PRKD2: variants seen among roughly 807,000 people sequenced by gnomAD.
PRKD2 encodes serine/threonine-protein kinase D2.
In PRKD2, 22 loss-of-function variants were observed where a neutral mutation model predicts 86.0. The ratio of observed to expected loss-of-function variants is 0.26; its 90% CI spans 0.18 to 0.37. The LOEUF is 0.37. PRKD2 is among the 10% of genes least tolerant of loss of function. The probability of loss-of-function intolerance (pLI) is 1.00; values close to 1 mark genes in which losing one functional copy is unlikely to be tolerated. For missense variants in PRKD2, 818 were observed against 1,199.2 expected, an observed-to-expected ratio of 0.68 and a Z score of 4.70; for synonymous variants, 509 against 510.9, an observed-to-expected ratio of 1.00 and a Z score of 0.05.
chr19:46,708,983 T>G (rs1402047601), intron 3 of PRKD2, among the ~76,000 whole-genome samples: 2 of 39,888 alleles, frequency 5.0e-5, no homozygotes, highest in Non-Finnish European at 1.4e-4. Flanking sequence ...TTTTTTTTTT[T>G]TTTTTTTTTT....
chr19:46,700,916 G>T lies in PRKD2; in HGVS notation c.1004C>A (p.Ala335Asp). 1 of 1,614,244 alleles carries T rather than the reference G, an allele frequency of 6.2e-7. No individual in the cohort carries two copies. Among genetic ancestry groups the T allele is most frequent in the Non-Finnish European group, 8.5e-7 (1 of 1,180,030 alleles). The change falls in exon 7 of 18, where the codon GCT becomes GAT. Residue 335 changes from alanine to aspartate, a missense_variant. By Grantham distance (126) the Ala-to-Asp change is moderately radical. Around this residue, in one of 5 missense-constraint regions of PRKD2, gnomAD observed 403 missense variants for 518.6 expected, o/e 0.78. Transcript: ENST00000291281. ...PMEEATDFSE[A>D]DKSALMDESE... Reference sequence around the variant, plus strand: ...CTCATCCATGAGGGCGCTCTTGTCAGCCTCGCTGAAATCGGTGGCCTCCTC... The same window carrying T: ...CTCATCCATGAGGGCGCTCTTGTCATCCTCGCTGAAATCGGTGGCCTCCTC...
chr19:46,702,998 A>G (rs1201721813), intron 5 of PRKD2, among the ~76,000 whole-genome samples: 1 of 152,104 alleles, frequency 6.6e-6, no homozygotes, highest in Non-Finnish European at 1.5e-5. Context: ...TGGATTCTAG[A>G]ATTTGATTGT....
At chr19:46,689,849 A>G in intron 13 of PRKD2, 151 bp from the exon 14 acceptor site, 2 of 822,084 alleles carry the variant, frequency 2.4e-6, no homozygotes, top group Non-Finnish European at 3.8e-6. Context: ...CCACAGGCCA[A>G]GACAGAACAG....
At chr19:46,683,590 C>T (rs1023312511) in intron 14 of PRKD2, among the ~76,000 whole-genome samples, 5 of 151,958 alleles carry the variant, frequency 3.3e-5, no homozygotes, top group African/African-American at 1.2e-4. Context: ...TGGTGGTGGG[C>T]GCCTGTAGTC....
intron 2 of PRKD2, among the ~76,000 whole-genome samples, chr19:46,711,488 G>A (rs1322524362): frequency 6.6e-6 from 1 of 151,816 alleles, no homozygotes. Flanking sequence ...CGCCTCCCGG[G>A]TTCAAGCAGT....
At chr19:46,676,212 C>T (rs138395105) in intron 16 of PRKD2, among the ~76,000 whole-genome samples, 3 of 151,914 alleles carry the variant, frequency 2.0e-5, no homozygotes, top group Non-Finnish European at 2.9e-5. Context: ...GTGGATCACC[C>T]GAGGTCAGGA....
intron 3 of PRKD2, chr19:46,710,705 T>A: frequency 3.8e-5 from 20 of 529,704 alleles, no homozygotes; most frequent in East Asian, 7.4e-5. Context: ...CCCCTAGACC[T>A]GAGCCCCGGC....
intron 5 of PRKD2, 121 bp downstream of exon 5, chr19:46,704,048 G>A (rs1270213801): frequency 1.4e-6 from 2 of 1,423,648 alleles, no homozygotes; most frequent in African/African-American, 2.9e-5. Flanking sequence ...AGGATTCAGG[G>A]CCCTCCCCTT....
intron 7 of PRKD2, among the ~76,000 whole-genome samples, chr19:46,699,650 G>A (rs562310474): frequency 1.3e-5 from 2 of 152,114 alleles, no homozygotes; most frequent in Admixed American, 1.3e-4. Context: ...AAACATTCAC[G>A]CCACACCCAG....
At chr19:46,699,777 G>A (rs992573557) in intron 7 of PRKD2, among the ~76,000 whole-genome samples, 8 of 152,032 alleles carry the variant, frequency 5.3e-5, no homozygotes, top group African/African-American at 1.4e-4. Context: ...TATGAACTCC[G>A]TGTATAGTTT....
chr19:46,690,550 G>T, intron 13 of PRKD2, 50 bp downstream of exon 13: 1 of 1,569,144 alleles, frequency 6.4e-7, no homozygotes, highest in Non-Finnish European at 8.8e-7. Flanking sequence ...CACTGGGTCA[G>T]CTGGCCCATG....
rs754211889 is a variant in PRKD2 at position 46,678,542 on chromosome 19, G to A, written c.2192C>T (p.Ser731Leu). ...CACGCCCACTGACCACATGTCCAGCGAGCGGTTGTAGCCCTGGTTGAGCAG... is the reference window on the plus strand; with the variant it reads ...CACGCCCACTGACCACATGTCCAGCAAGCGGTTGTAGCCCTGGTTGAGCAG... ...EVLLNQGYNR[S>L]LDMWSVGVIM... The change falls in exon 16 of 18, where the codon TCG (serine) becomes TTG (leucine). Residue 731 changes from serine to leucine, a missense_variant. Ser to Leu is a moderately radical substitution (Grantham distance 145, BLOSUM62 -2). Transcript: ENST00000291281. The surrounding 1 kb of genome is among the most constrained non-coding windows in gnomAD (Gnocchi z 5.7). 1 of 1,614,216 alleles carries A rather than the reference G, an allele frequency of 6.2e-7. No homozygotes were observed. The highest frequency in any genetic ancestry group is 1.1e-5 in the South Asian group (1 of 91,086).
Position 46,681,761 on chromosome 19 carries a change from G to T in PRKD2, c.1972-13C>A, listed in dbSNP as rs1419625265. The T allele has an allele frequency of 2.5e-6, 4 of 1,570,256 alleles. No homozygotes were observed. Among genetic ancestry groups the T allele is most frequent in the East Asian group, 2.2e-5 (1 of 44,586 alleles). On this transcript the variant is annotated splice_polypyrimidine_tract_variant and intron_variant, in intron 14 of 17. Transcript: ENST00000291281. ...AAGCCACCAGGATCTGAGGGGAGCA[G>T]ATGGGCCCAGTAAGAAAGGTAGATA...
At chr19:46,687,727 ACTGT>A (rs1161453208) in intron 14 of PRKD2, among the ~76,000 whole-genome samples, 3 of 152,288 alleles carry the variant, frequency 2.0e-5, no homozygotes, top group African/African-American at 7.2e-5. Context: ...CTGAGCTATC[ACTGT>A]CTAAGAATGG....
chr19:46,712,081 A>AG (rs2053817620), intron 2 of PRKD2, among the ~76,000 whole-genome samples: 1 of 149,822 alleles, frequency 6.7e-6, no homozygotes, highest in African/African-American at 2.5e-5. Flanking sequence ...AAAAGAAAAA[A>AG]AAAAAAAGCC....
intron 14 of PRKD2, among the ~76,000 whole-genome samples, chr19:46,683,719 GA>G (rs199910823): frequency 1.3e-5 from 2 of 150,408 alleles, no homozygotes; most frequent in African/African-American, 2.4e-5. Flanking sequence ...TGCCATCTCA[GA>G]AAAAAAAAGA....
chr19:46,700,747 C>T, intron 7 of PRKD2, 52 bp downstream of exon 7: 1 of 1,566,954 alleles, frequency 6.4e-7, no homozygotes, highest in Non-Finnish European at 8.7e-7. Context: ...AATTGAGGTT[C>T]ACTGTGCAGG....
At chr19:46,713,776 T>C in intron 2 of PRKD2, 87 bp downstream of exon 2, 2 of 1,267,228 alleles carry the variant, frequency 1.6e-6, no homozygotes, top group Non-Finnish European at 2.1e-6. Flanking sequence ...CGGCCTCTCC[T>C]GACTTCTAAC....
chr19:46,704,546 G>T lies in PRKD2; in HGVS notation c.615C>A (p.His205Gln), dbSNP rs1471268301. 2.5e-6 allele frequency: 4 copies of T among 1,614,142 alleles called. No individual in the cohort carries two copies. The highest frequency in any genetic ancestry group is 8.5e-7 in the Non-Finnish European group (1 of 1,180,008). ...RLSSTSLASG[H>Q]SVRLGTSESL... ...ACTCGGAGGTGCCGAGGCGCACCGA[G>T]TGGCCACTGGCCAGAGACGTGGATG... Residue 205 changes from histidine (H) to glutamine (Q), a missense_variant, in exon 4 of 18, where the codon CAC becomes CAA. By Grantham distance (24) the His-to-Gln change is conservative (BLOSUM62 0). Transcript: ENST00000291281.
Sources: gnomAD v4.1 joint callset for allele counts (sites outside exome capture counted in the v4.1 genomes callset) on GRCh38, gnomAD v4.1.1 for gene constraint, gnomAD v4.1.1 regional missense constraint, Gnocchi (gnomAD v3.1) non-coding constraint, MANE v1.5 for transcripts, NCBI Gene and HGNC (gene_info 2026-07-23, HGNC 2026-07-21) for gene names.